The following OXSR1 variants were observed in gnomAD, a reference collection of about 807,000 sequenced individuals.
OXSR1 encodes the protein oxidative stress responsive kinase 1.
A neutral mutation model predicts 79.8 loss-of-function variants in OXSR1; 24 were observed. That is an observed-to-expected ratio of 0.30 (90% CI 0.22 to 0.42). The LOEUF is 0.42. OXSR1 is among the 10% of genes least tolerant of loss of function. The pLI, the probability that OXSR1 is intolerant of heterozygous loss-of-function variation, is 1.00. For synonymous variants in OXSR1, 226 were observed against 209.2 expected, an observed-to-expected ratio of 1.08 and a Z score of -0.69; for missense variants, 430 against 618.4, an observed-to-expected ratio of 0.70 and a Z score of 3.23.
intron 8 of OXSR1, among the ~76,000 whole-genome samples, chr3:38,226,184 GC>G (rs1702685140): frequency 6.6e-6 from 1 of 152,006 alleles, no homozygotes; most frequent in African/African-American, 2.4e-5. Context: ...TGAACATAAT[GC>G]CCCACTGTAA....
chr3:38,167,664 G>T (rs1701493881), intron 1 of OXSR1, among the ~76,000 whole-genome samples: 1 of 152,142 alleles, frequency 6.6e-6, no homozygotes, highest in Non-Finnish European at 1.5e-5. Context: ...ACTAAATAAA[G>T]ACATCACATC....
At chr3:38,182,636 C>G (rs1030083123) in intron 1 of OXSR1, among the ~76,000 whole-genome samples, 1 of 152,110 alleles carries the variant, frequency 6.6e-6, no homozygotes, top group Non-Finnish European at 1.5e-5. Context: ...TCTTGAGATC[C>G]CTAACTAGTC....
chr3:38,213,035 G>C (rs202193), intron 4 of OXSR1, among the ~76,000 whole-genome samples: 3,160 of 152,196 alleles, frequency 0.021, 44 homozygotes, highest in Non-Finnish European at 0.035. Flanking sequence ...TGATTATCTG[G>C]GGCATTGATC....
chr3:38,209,287 C>T (rs532294145), intron 4 of OXSR1, among the ~76,000 whole-genome samples: 2 of 152,204 alleles, frequency 1.3e-5, no homozygotes, highest in East Asian at 1.9e-4. Context: ...AGCATGAACA[C>T]GGCTCACTGC....
At chr3:38,183,812 T>A (rs987807715) in intron 2 of OXSR1, among the ~76,000 whole-genome samples, 17 of 152,212 alleles carry the variant, frequency 1.1e-4, no homozygotes, top group Non-Finnish European at 2.1e-4. Flanking sequence ...GTATTTTTTT[T>A]AGGCATTGTG....
intron 4 of OXSR1, among the ~76,000 whole-genome samples, chr3:38,200,761 C>T (rs1702148420): frequency 6.6e-6 from 1 of 152,164 alleles, no homozygotes; most frequent in African/African-American, 2.4e-5. Context: ...TTGTGATGAA[C>T]ACTTTTCTCT....
intron 4 of OXSR1, among the ~76,000 whole-genome samples, chr3:38,207,196 G>T (rs552937792): frequency 5.3e-5 from 8 of 152,344 alleles, no homozygotes; most frequent in African/African-American, 1.9e-4. Flanking sequence ...AGGCATGGTT[G>T]CATCTTTTAC....
intron 1 of OXSR1, among the ~76,000 whole-genome samples, chr3:38,172,907 T>C (rs1425050122): frequency 2.6e-5 from 4 of 152,166 alleles, no homozygotes; most frequent in African/African-American, 4.8e-5. Flanking sequence ...GCACCCAGGC[T>C]CCTAGTTTTT....
intron 13 of OXSR1, among the ~76,000 whole-genome samples, chr3:38,246,966 T>C (rs1271698529): frequency 6.6e-6 from 1 of 152,098 alleles, no homozygotes; most frequent in Non-Finnish European, 1.5e-5. Context: ...GTCTGATTTT[T>C]TTTTTTTTCT....
At chr3:38,234,492 G>A (rs933976840) in intron 10 of OXSR1, among the ~76,000 whole-genome samples, 2 of 152,068 alleles carry the variant, frequency 1.3e-5, no homozygotes, top group Non-Finnish European at 2.9e-5. Context: ...CACATGAAAA[G>A]ATACTCAGTA....
At chr3:38,182,290 G>C (rs985992615) in intron 1 of OXSR1, among the ~76,000 whole-genome samples, 4 of 152,168 alleles carry the variant, frequency 2.6e-5, no homozygotes, top group South Asian at 2.1e-4. Flanking sequence ...CCGCACGTGT[G>C]GGGTAGACAC....
intron 2 of OXSR1, among the ~76,000 whole-genome samples, chr3:38,185,367 T>C (rs561782216): frequency 3.6e-4 from 55 of 152,192 alleles, no homozygotes; most frequent in African/African-American, 1.3e-3. Flanking sequence ...GGTGGATCAC[T>C]TGAGCCAAGG....
chr3:38,253,111 AACTT>A lies in OXSR1; in HGVS notation c.*225_*228del. The A allele has an allele frequency of 1.8e-6, 1 of 557,488 alleles. No homozygotes were observed. The highest frequency in any genetic ancestry group is 2.2e-5 in the South Asian group (1 of 44,876). 34.5% of individuals were successfully genotyped at this position (557,488 alleles called of 1,614,324 possible). On this transcript the variant is annotated 3_prime_UTR_variant, in exon 18 of 18. Transcript: ENST00000311806. The stretch of plus-strand genomic sequence containing the variant: ...CAGCATCCCCAGAGTTCCGTTAGTA[AACTT>A]ACTTCATATGTCCCCTGTCTTCCTC...
At chr3:38,185,258 A>C (rs1701862864) in intron 2 of OXSR1, among the ~76,000 whole-genome samples, 1 of 152,198 alleles carries the variant, frequency 6.6e-6, no homozygotes, top group Admixed American at 6.5e-5. Flanking sequence ...AACATGGATA[A>C]ATCCAAATCA....
chr3:38,184,954 G>GTTTTTTTTTTTTTT (rs1559503629), intron 2 of OXSR1, among the ~76,000 whole-genome samples: 2 of 96,228 alleles, frequency 2.1e-5, no homozygotes, highest in African/African-American at 4.1e-5. Context: ...TTTTTTTTGG[G>GTTTTTTTTTTTTTT]TTTCTTTGAG....
chr3:38,188,699 A>G (rs2125812820), intron 2 of OXSR1, among the ~76,000 whole-genome samples: 1 of 152,290 alleles, frequency 6.6e-6, no homozygotes, highest in South Asian at 2.1e-4. Flanking sequence ...AAAGTCCTTT[A>G]TGATCTAGTC....
At chr3:38,229,866 A>G (rs1197432153) in intron 9 of OXSR1, 131 bp downstream of exon 9, 7 of 728,416 alleles carry the variant, frequency 9.6e-6, no homozygotes, top group Non-Finnish European at 1.7e-5. Flanking sequence ...TGCAGAAAGC[A>G]CTATGTATAC....
chr3:38,235,788 A>T (rs1326282879), intron 10 of OXSR1, among the ~76,000 whole-genome samples: 1 of 152,240 alleles, frequency 6.6e-6, no homozygotes, highest in Admixed American at 6.5e-5. Context: ...TTTTTTAACC[A>T]AACAATGAAT....
intron 14 of OXSR1, among the ~76,000 whole-genome samples, chr3:38,249,755 A>G (rs1050686428): frequency 1.3e-5 from 2 of 152,158 alleles, no homozygotes; most frequent in Non-Finnish European, 2.9e-5. Flanking sequence ...TCAGTAAGGG[A>G]CATAGATTCA....
Sources: gnomAD v4.1 joint callset for allele counts (sites outside exome capture counted in the v4.1 genomes callset) on GRCh38, gnomAD v4.1.1 for gene constraint, MANE v1.5 for transcripts, NCBI Gene and HGNC (gene_info 2026-07-23, HGNC 2026-07-21) for gene names.